The following DYRK1A variants were observed in gnomAD, a reference collection of about 807,000 sequenced individuals.
The protein encoded by DYRK1A is dual specificity tyrosine-phosphorylation-regulated kinase 1A.
A neutral mutation model predicts 79.7 loss-of-function variants in DYRK1A; 9 were observed. That is an observed-to-expected ratio of 0.11 (90% CI 0.07 to 0.20). The LOEUF is 0.20. DYRK1A is among the 10% of genes least tolerant of loss of function. DYRK1A has a pLI of 1.00. For synonymous variants in DYRK1A, 349 were observed against 329.7 expected (o/e 1.06, Z -0.63); for missense variants, 622 against 956.0 (o/e 0.65, Z 4.61).
chr21:37,391,849 C>T (rs1366572164), intron 1 of DYRK1A, among the ~76,000 whole-genome samples: 1 of 152,234 alleles, frequency 6.6e-6, no homozygotes, highest in Non-Finnish European at 1.5e-5. Flanking sequence ...CTGTGCTTTT[C>T]TGATAACGTT....
intron 1 of DYRK1A, among the ~76,000 whole-genome samples, chr21:37,379,534 A>C (rs1465861849): frequency 6.6e-6 from 1 of 152,212 alleles, no homozygotes; most frequent in Non-Finnish European, 1.5e-5. Flanking sequence ...CTGTTGAGGA[A>C]CTGAAGATAG....
chr21:37,377,560 C>T (rs991980414), intron 1 of DYRK1A, among the ~76,000 whole-genome samples: 1 of 152,158 alleles, frequency 6.6e-6, no homozygotes, highest in African/African-American at 2.4e-5. Flanking sequence ...CCTTGACCTC[C>T]TGGGTTCAAG....
intron 1 of DYRK1A, among the ~76,000 whole-genome samples, chr21:37,396,021 T>C (rs926419324): frequency 2.0e-5 from 3 of 152,232 alleles, no homozygotes; most frequent in African/African-American, 7.2e-5. Flanking sequence ...AAGTCATTGC[T>C]GTCTTTCCTC....
At chr21:37,439,501 G>A (rs2051025740) in intron 2 of DYRK1A, among the ~76,000 whole-genome samples, 1 of 152,140 alleles carries the variant, frequency 6.6e-6, no homozygotes, top group African/African-American at 2.4e-5. Flanking sequence ...TAGGAACTGG[G>A]CCGCACAGCA....
In DYRK1A at chr21:37,505,300, A is replaced by T; in HGVS notation, c.1230A>T (p.Gly410=). ...KDGKREYKPP[G]TRKLHNILGV... ...TCTTACAGGAGTACAAACCACCAGG[A>T]ACCCGTAAACTTCATAACATTCTTG... The change falls in exon 10 of 12, where the codon GGA becomes GGT. Residue 410 remains glycine, a synonymous_variant. Transcript: ENST00000647188. The T allele has an allele frequency of 6.2e-7, 1 of 1,610,942 alleles. No individual in the cohort carries two copies. Among genetic ancestry groups the T allele is most frequent in the Non-Finnish European group, 8.5e-7 (1 of 1,177,384 alleles).
At chr21:37,369,257 A>T (rs1449912155) in intron 1 of DYRK1A, among the ~76,000 whole-genome samples, 2 of 152,160 alleles carry the variant, frequency 1.3e-5, no homozygotes, top group Admixed American at 6.5e-5. Context: ...TGTGTTGTTT[A>T]ATTTCTCATG....
chr21:37,455,019 CTTTTTTT>C (rs72223324), intron 2 of DYRK1A, among the ~76,000 whole-genome samples: 4 of 116,854 alleles, frequency 3.4e-5, no homozygotes, highest in African/African-American at 1.0e-4. Flanking sequence ...GGGTGGTCAC[CTTTTTTT>C]TTTTTTTTTT....
chr21:37,400,245 A>G (rs1445826488), intron 1 of DYRK1A, among the ~76,000 whole-genome samples: 5 of 152,104 alleles, frequency 3.3e-5, no homozygotes, highest in Non-Finnish European at 7.4e-5. Flanking sequence ...TTGTGATGGC[A>G]TTTAGGGCCC....
At chr21:37,435,008 A>G (rs1286449204) in intron 2 of DYRK1A, among the ~76,000 whole-genome samples, 1 of 152,254 alleles carries the variant, frequency 6.6e-6, no homozygotes, top group Non-Finnish European at 1.5e-5. Flanking sequence ...AGTTAAAATT[A>G]CAACAAATGC....
chr21:37,371,789 T>TGGG (rs543111249), intron 1 of DYRK1A, among the ~76,000 whole-genome samples: 8 of 151,724 alleles, frequency 5.3e-5, no homozygotes, highest in African/African-American at 1.9e-4. Context: ...AATTGATTTT[T>TGGG]GGGGGGGGCC....
chr21:37,469,239 C>T (rs2052138155), intron 2 of DYRK1A, among the ~76,000 whole-genome samples: 1 of 152,062 alleles, frequency 6.6e-6, no homozygotes, highest in Non-Finnish European at 1.5e-5. Flanking sequence ...CAAAAAAAGA[C>T]CAGAAAAACA....
chr21:37,500,458 A>G (rs2053408009), intron 9 of DYRK1A, among the ~76,000 whole-genome samples: 1 of 152,108 alleles, frequency 6.6e-6, no homozygotes, highest in Admixed American at 6.5e-5. Context: ...TTGGGGTTTG[A>G]TTTTAGGATT....
chr21:37,370,196 T>C (rs1027135907), intron 1 of DYRK1A, among the ~76,000 whole-genome samples: 10 of 152,182 alleles, frequency 6.6e-5, no homozygotes, highest in East Asian at 5.8e-4. Flanking sequence ...TACCTTGTTA[T>C]AAACATGGTA....
intron 2 of DYRK1A, chr21:37,430,538 C>A: frequency 2.5e-6 from 1 of 406,610 alleles, no homozygotes; most frequent in Non-Finnish European, 3.3e-6. Context: ...GAGCCAGAGT[C>A]CTCTGTCATC....
intron 9 of DYRK1A, chr21:37,502,714 T>G (rs562432052): frequency 1.3e-5 from 2 of 152,340 alleles, no homozygotes; most frequent in South Asian, 4.1e-4. Flanking sequence ...CATTCCTTTT[T>G]GCAATTCCTA....
intron 1 of DYRK1A, among the ~76,000 whole-genome samples, chr21:37,410,064 A>G (rs1225233568): frequency 6.6e-6 from 1 of 152,252 alleles, no homozygotes; most frequent in East Asian, 1.9e-4. Context: ...TGCTACAGAT[A>G]TAAAAACTAT....
intron 2 of DYRK1A, among the ~76,000 whole-genome samples, chr21:37,454,110 T>TTTTTTTTTTA (rs869222930): frequency 3.0e-5 from 3 of 101,674 alleles, no homozygotes; most frequent in Non-Finnish European, 4.3e-5. Context: ...TTTTTTTTTT[T>TTTTTTTTTTA]GAGACAAGGT....
At chr21:37,402,819 A>G (rs377456753) in intron 1 of DYRK1A, among the ~76,000 whole-genome samples, 36 of 151,638 alleles carry the variant, frequency 2.4e-4, no homozygotes, top group South Asian at 1.9e-3. Context: ...CTGGAGTGCA[A>G]TGGTGCCATC....
chr21:37,505,914 G>A (rs1009551443), intron 10 of DYRK1A, among the ~76,000 whole-genome samples, 185 bp from the exon 11 acceptor site: 1 of 152,184 alleles, frequency 6.6e-6, no homozygotes, highest in African/African-American at 2.4e-5. Context: ...AGTGGTGGAC[G>A]AGAGAGAACC....
Sources: allele counts gnomAD v4.1 joint callset (sites outside exome capture counted in the v4.1 genomes callset), GRCh38; gene constraint gnomAD v4.1.1; transcripts MANE v1.5; gene names NCBI Gene and HGNC (gene_info 2026-07-23, HGNC 2026-07-21).